SMARCA4: variants seen among roughly 807,000 people sequenced by gnomAD.
SMARCA4 encodes SWI/SNF related BAF chromatin remodeling complex subunit ATPase 4.
A neutral mutation model predicts 193.9 loss-of-function variants in SMARCA4; 31 were observed. The observed-to-expected ratio is 0.16, with a 90% CI of 0.12 to 0.22. The LOEUF (loss-of-function observed/expected upper bound fraction) is 0.22, where lower values mean the gene tolerates loss of function less well. SMARCA4 is among the 10% of genes least tolerant of loss of function. SMARCA4 has a pLI of 1.00. For synonymous variants in SMARCA4, 942 were observed against 933.1 expected, an observed-to-expected ratio of 1.01 and a Z score of -0.17; for missense variants, 1,148 against 2,296.0, an observed-to-expected ratio of 0.50 and a Z score of 10.22.
Position 10,991,227 on chromosome 19 carries a change from C to A in SMARCA4, c.1323C>A (p.Arg441=). 1 of 1,613,804 alleles carries A rather than the reference C, an allele frequency of 6.2e-7. No individual in the cohort carries two copies. Among genetic ancestry groups the A allele is most frequent in the South Asian group, 1.1e-5 (1 of 91,002 alleles). ...ETALNAKAYK[R]SKRQSLREAR... is the part of the protein sequence containing the mutation. ...CCCTCAATGCTAAGGCCTACAAGCGCAGCAAGCGCCAGTCCCTGCGCGAGG... is the reference window on the plus strand; with the variant it reads ...CCCTCAATGCTAAGGCCTACAAGCGAAGCAAGCGCCAGTCCCTGCGCGAGG... Residue 441 remains arginine, a synonymous_variant, in exon 8 of 35, where the codon CGC becomes CGA. Transcript: ENST00000344626.
At position 11,041,540 on chromosome 19, in the gene SMARCA4, C is replaced by A. The variant is rs552535004; in HGVS notation, c.4404C>A (p.Ala1468=). The A allele has an allele frequency of 6.2e-7, 1 of 1,613,554 alleles. No individual in the cohort carries two copies. Among genetic ancestry groups the A allele is most frequent in the Non-Finnish European group, 8.5e-7 (1 of 1,179,968 alleles). The change falls in exon 30 of 35, where the codon GCC becomes GCA. Residue 1468 remains alanine (A), a synonymous_variant. Transcript: ENST00000344626. This position sits in a 1 kb window ranked among gnomAD's most constrained non-coding sequence, Gnocchi z 5.6. ...LTKKMKKIVD[A]VIKYKDSSSG... The stretch of plus-strand genomic sequence containing the variant: ...AGAAGATGAAGAAGATTGTGGATGC[C>A]GTGATCAAGTACAAGGACAGGTAAG...
chr19:11,029,034 C>A (rs2090457438), intron 24 of SMARCA4, among the ~76,000 whole-genome samples: 1 of 152,166 alleles, frequency 6.6e-6, no homozygotes, highest in African/African-American at 2.4e-5. Flanking sequence ...CCCTGTGTGT[C>A]CCTCCAAACT....
chr19:11,059,994 G>A (rs758839533), intron 33 of SMARCA4, 51 bp from the exon 34 acceptor site: 4 of 1,607,828 alleles, frequency 2.5e-6, no homozygotes, highest in East Asian at 2.2e-5. Flanking sequence ...TGCTGTGGGG[G>A]TGCTGCATTC....
Position 11,019,035 on chromosome 19 carries a change from C to T in SMARCA4, c.2505+12C>T, listed in dbSNP as rs2146361962. ...AGGTGTCTTACAAGGTAGGTCACAGCCACTGAGGTTTCCTCTCTTGCTACG... is the reference window on the plus strand; with the variant it reads ...AGGTGTCTTACAAGGTAGGTCACAGTCACTGAGGTTTCCTCTCTTGCTACG... On this transcript the variant is annotated intron_variant, in intron 17 of 34. Coordinates refer to ENST00000344626, the MANE Select transcript of SMARCA4 (RefSeq NM_003072.5). The surrounding 1 kb of genome is among the most constrained non-coding windows in gnomAD (Gnocchi z 6.1). The T allele has an allele frequency of 6.2e-7, 1 of 1,608,970 alleles. No homozygotes were observed. The highest frequency in any genetic ancestry group is 1.1e-5 in the South Asian group (1 of 90,972).
At position 11,034,815 on chromosome 19, in the gene SMARCA4, G is replaced by A. The variant is rs972357015; in HGVS notation, c.3952-99G>A. ...CTCTCGCAGCAGCGTGGAGCCCCAC[G>A]GGCAGAGAAAGGCCCTTCTGAACTC... On this transcript the variant is annotated intron_variant, in intron 28 of 34. Transcript: ENST00000344626. This position sits in a 1 kb window ranked among gnomAD's most constrained non-coding sequence, Gnocchi z 7.0. 3.2e-5 allele frequency: 26 copies of A among 802,112 alleles called. No homozygotes were observed. Among genetic ancestry groups the A allele is most frequent in the Middle Eastern group, 3.4e-4 (1 of 2,954 alleles). 49.7% of individuals were successfully genotyped at this position (802,112 alleles called of 1,614,324 possible). A position where few individuals can be genotyped will look rare whatever the true frequency, so the allele number is the denominator to read the frequency against.
Position 10,986,472 on chromosome 19 carries a change from G to A in SMARCA4, c.639G>A (p.Met213Ile). ...AGGGCAAGCGGCCGATGCCCGGGAT[G>A]CAGCAGCAGATGCCAACGCTACCTC... ...AVQGKRPMPG[M>I]QQQMPTLPPP... The change falls in exon 4 of 35, where the codon ATG becomes ATA. Residue 213 changes from methionine (M) to isoleucine (I), a missense_variant. Coordinates refer to ENST00000344626, the MANE Select transcript of SMARCA4 (RefSeq NM_003072.5). This position sits in a 1 kb window ranked among gnomAD's most constrained non-coding sequence, Gnocchi z 6.7. The A allele has an allele frequency of 6.4e-7, 1 of 1,554,724 alleles. No homozygotes were observed. The highest frequency in any genetic ancestry group is 8.7e-7 in the Non-Finnish European group (1 of 1,150,132).
chr19:10,971,138 G>A (rs1201066663), intron 1 of SMARCA4, among the ~76,000 whole-genome samples: 1 of 152,164 alleles, frequency 6.6e-6, no homozygotes, highest in Non-Finnish European at 1.5e-5. Flanking sequence ...AGAGGTTGCA[G>A]TGAGCTGAGA....
chr19:11,007,599 G>A (rs979546514), intron 13 of SMARCA4, among the ~76,000 whole-genome samples: 3 of 151,932 alleles, frequency 2.0e-5, no homozygotes, highest in African/African-American at 7.3e-5. Flanking sequence ...ATTTGAGCTG[G>A]GTGTGGTGGT....
At chr19:10,968,016 A>G (rs2084372725) in intron 1 of SMARCA4, among the ~76,000 whole-genome samples, 2 of 151,884 alleles carry the variant, frequency 1.3e-5, no homozygotes, top group African/African-American at 4.8e-5. Flanking sequence ...AGCTGAGACT[A>G]CAGGCGCCCA....
At chr19:11,009,007 C>CTTTTT (rs762148337) in intron 14 of SMARCA4, among the ~76,000 whole-genome samples, 1,026 of 40,948 alleles carry the variant, frequency 0.025, 217 homozygotes, top group African/African-American at 0.053. Context: ...ATAAAAGTCA[C>CTTTTT]TTTTTTTTTT....
In SMARCA4 at chr19:10,986,177, C is replaced by T. The variant is rs765020361; in HGVS notation, c.356-12C>T. 5.0e-6 allele frequency: 8 copies of T among 1,610,636 alleles called. No individual in the cohort carries two copies. The Admixed American group carries it at 1.2e-4, about 23-fold the overall frequency. On this transcript the variant is annotated splice_polypyrimidine_tract_variant and intron_variant, in intron 3 of 34. Transcript: ENST00000344626. The surrounding 1 kb of genome is among the most constrained non-coding windows in gnomAD (Gnocchi z 6.7). ...GCTGCCGAGTGACCAGTGGGCTGAC[C>T]TTTCTCTGCAGGTTACCCCTCGCCC... is the stretch of plus-strand genomic sequence containing the variant.
Position 11,024,450 on chromosome 19 carries a change from A to G in SMARCA4, c.3081+12A>G, listed in dbSNP as rs2146476606. On this transcript the variant is annotated intron_variant, in intron 21 of 34. Coordinates refer to ENST00000344626, the MANE Select transcript of SMARCA4 (RefSeq NM_003072.5). The stretch of plus-strand genomic sequence containing the variant: ...AGAAGGACAAGAAGGTGGGCCCCAG[A>G]GTCCCCCAACTGCATTCCCCACTGG... 9 of 1,581,646 alleles carry G rather than the reference A, an allele frequency of 5.7e-6. No individual in the cohort carries two copies. The highest frequency in any genetic ancestry group is 7.8e-6 in the Non-Finnish European group (9 of 1,151,752).
intron 8 of SMARCA4, among the ~76,000 whole-genome samples, chr19:10,993,279 C>T (rs1268786300): frequency 6.6e-6 from 1 of 152,340 alleles, no homozygotes; most frequent in East Asian, 1.9e-4. Context: ...AGCCGCTGCT[C>T]CTGGCCACAT....
intron 11 of SMARCA4, among the ~76,000 whole-genome samples, chr19:10,999,854 A>G (rs990987564): frequency 3.9e-5 from 6 of 152,216 alleles, no homozygotes; most frequent in Non-Finnish European, 8.8e-5. Context: ...GGACACCTCT[A>G]TGCAGAAGTC....
chr19:10,995,089 G>A (rs1370060310), intron 9 of SMARCA4, 88 bp downstream of exon 9: 15 of 1,262,284 alleles, frequency 1.2e-5, no homozygotes, highest in African/African-American at 1.5e-5. Context: ...GTTACGCCAA[G>A]GCATTTCACA....
intron 18 of SMARCA4, among the ~76,000 whole-genome samples, chr19:11,020,189 G>C (rs2089735225): frequency 6.6e-6 from 1 of 152,176 alleles, no homozygotes; most frequent in Admixed American, 6.5e-5. Flanking sequence ...GGTTCGGGCT[G>C]TTCTGTGAGG....
intron 34 of SMARCA4, 21 bp from the exon 35 acceptor site, chr19:11,061,763 C>G (rs370100800): frequency 1.2e-6 from 2 of 1,612,990 alleles, no homozygotes; most frequent in Non-Finnish European, 1.7e-6. Context: ...CGCACACTCT[C>G]TCCTCCTGTC....
intron 1 of SMARCA4, among the ~76,000 whole-genome samples, chr19:10,981,741 C>G (rs2145683805): frequency 1.3e-5 from 2 of 152,236 alleles, no homozygotes; most frequent in Middle Eastern, 3.4e-3. Context: ...TTTGGGAAGT[C>G]CAGGCTGGAG....
chr19:10,996,658 G>A, intron 11 of SMARCA4, 114 bp downstream of exon 11: 1 of 1,040,298 alleles, frequency 9.6e-7, no homozygotes, highest in Non-Finnish European at 1.5e-6. Flanking sequence ...TGTGATGATG[G>A]TGAGAATCCC....
Sources: gnomAD v4.1 joint callset for allele counts (sites outside exome capture counted in the v4.1 genomes callset) on GRCh38, gnomAD v4.1.1 for gene constraint, Gnocchi (gnomAD v3.1) non-coding constraint, MANE v1.5 for transcripts, NCBI Gene and HGNC (gene_info 2026-07-23, HGNC 2026-07-21) for gene names.